The following DNAH5 variants were observed in gnomAD, a reference collection of about 807,000 sequenced individuals.
DNAH5 encodes the protein dynein axonemal heavy chain 5.
In DNAH5, 372 loss-of-function variants were observed where a neutral mutation model predicts 518.2. That is an observed-to-expected ratio of 0.72 (90% CI 0.66 to 0.78). The LOEUF (loss-of-function observed/expected upper bound fraction) is 0.78. Among genes scored for constraint, DNAH5 ranks in the 30% least tolerant of loss-of-function variants. The probability of loss-of-function intolerance (pLI) is 0.00; values close to 1 mark genes in which losing one functional copy is unlikely to be tolerated. For synonymous variants in DNAH5, 2,039 were observed against 2,025.9 expected (o/e 1.01, Z -0.17); for missense variants, 5,523 against 5,687.0 (o/e 0.97, Z 0.93).
chr5:13,695,967 C>T (rs1741319239), intron 78 of DNAH5, among the ~76,000 whole-genome samples: 2 of 152,106 alleles, frequency 1.3e-5, no homozygotes, highest in Non-Finnish European at 1.5e-5. Flanking sequence ...AACAGACTTC[C>T]AGGTTGACAA....
At chr5:13,862,769 A>C in intron 28 of DNAH5, 22 bp from the exon 29 acceptor site, 66 of 1,597,220 alleles carry the variant, frequency 4.1e-5, no homozygotes, top group Non-Finnish European at 5.1e-5. Flanking sequence ...GCAAGCTCTC[A>C]TGTTATTGCA....
At chr5:13,946,138 G>C (rs193154807), upstream of DNAH5, among the ~76,000 whole-genome samples, 35 of 152,164 alleles carry the variant, frequency 2.3e-4, no homozygotes, top group African/African-American at 6.7e-4. Flanking sequence ...TCATTACATC[G>C]CCGATTATCT....
intron 1 of DNAH5, among the ~76,000 whole-genome samples, chr5:13,972,662 T>C (rs928123326): frequency 2.6e-5 from 4 of 152,200 alleles, no homozygotes; most frequent in African/African-American, 4.8e-5. Context: ...CCTCTCACAC[T>C]TTGGGCACTC....
intron 12 of DNAH5, among the ~76,000 whole-genome samples, chr5:13,906,562 A>G (rs1775327532): frequency 6.6e-6 from 1 of 152,260 alleles, no homozygotes; most frequent in Non-Finnish European, 1.5e-5. Flanking sequence ...TGGAACATCT[A>G]CAAATCTTAA....
chr5:13,701,429 C>T lies in DNAH5; in HGVS notation c.13346G>A (p.Trp4449Ter), dbSNP rs1561073938. The T allele has an allele frequency of 6.2e-7, 1 of 1,609,632 alleles. No homozygotes were observed. The change falls in exon 77 of 79, where the codon TGG becomes TAG. Residue 4449 changes from tryptophan to a stop codon, truncating the protein, a stop_gained. Transcript: ENST00000265104. LOFTEE classifies it high-confidence loss of function. Reference protein sequence around the residue: ...RIPAWWKKASWISSTLGFWFT... With the variant: ...RIPAWWKKAS ...CCAGAAACCCAGTGTACTAGAAATCCAAGAAGCCTGCAATGAAGACATTAA... is the reference window on the plus strand; with the variant it reads ...CCAGAAACCCAGTGTACTAGAAATCTAAGAAGCCTGCAATGAAGACATTAA...
At chr5:13,836,408 T>A (rs561918711) in intron 35 of DNAH5, among the ~76,000 whole-genome samples, 1 of 152,028 alleles carries the variant, frequency 6.6e-6, no homozygotes, top group South Asian at 2.1e-4. Context: ...TGTTTAAAGG[T>A]CAGAAACATG....
chr5:13,933,988 G>C (rs1398902340), intron 1 of DNAH5, among the ~76,000 whole-genome samples: 1 of 151,990 alleles, frequency 6.6e-6, no homozygotes, highest in Non-Finnish European at 1.5e-5. Flanking sequence ...CAGTGTGACT[G>C]TGCCACTAAC....
intron 65 of DNAH5, among the ~76,000 whole-genome samples, chr5:13,741,659 T>G (rs1056256161): frequency 1.3e-5 from 2 of 152,198 alleles, no homozygotes; most frequent in African/African-American, 4.8e-5. Flanking sequence ...CAAACAATTT[T>G]TATTGCCATA....
chr5:13,693,136 G>A (rs1740925630), intron 78 of DNAH5, among the ~76,000 whole-genome samples: 1 of 152,058 alleles, frequency 6.6e-6, no homozygotes, highest in South Asian at 2.1e-4. Context: ...GAGGACAAGA[G>A]TGTGTCTACA....
chr5:13,965,126 G>A (rs1215265152), intron 1 of DNAH5, among the ~76,000 whole-genome samples: 2 of 152,070 alleles, frequency 1.3e-5, no homozygotes, highest in African/African-American at 2.4e-5. Context: ...GCACCCTAGA[G>A]GGTCAACATG....
chr5:13,945,518 G>A (rs1779839366), upstream of DNAH5, among the ~76,000 whole-genome samples: 1 of 152,216 alleles, frequency 6.6e-6, no homozygotes, highest in Admixed American at 6.5e-5. Flanking sequence ...GCCTCCATAT[G>A]TCAGGTTAAC....
intron 51 of DNAH5, among the ~76,000 whole-genome samples, chr5:13,786,865 A>T (rs1366962949): frequency 6.6e-6 from 1 of 152,228 alleles, no homozygotes; most frequent in East Asian, 1.9e-4. Context: ...AAAATGAATA[A>T]GCATATTCGA....
chr5:13,846,509 G>A (rs562670781), intron 31 of DNAH5, among the ~76,000 whole-genome samples: 8 of 152,264 alleles, frequency 5.3e-5, no homozygotes, highest in East Asian at 3.9e-4. Flanking sequence ...TTCACGATTC[G>A]TCAACTGCTG....
intron 63 of DNAH5, 33 bp downstream of exon 63, chr5:13,753,200 C>T: frequency 6.5e-7 from 1 of 1,527,204 alleles, no homozygotes; most frequent in Non-Finnish European, 9.0e-7. Flanking sequence ...TAAAACTTAA[C>T]CGGTAGCATA....
intron 1 of DNAH5, among the ~76,000 whole-genome samples, chr5:13,935,633 G>A (rs1183365208): frequency 1.3e-5 from 2 of 152,112 alleles, no homozygotes; most frequent in Non-Finnish European, 2.9e-5. Context: ...GGTATCCTGG[G>A]AATACTGAAA....
chr5:13,933,645 C>G (rs1778631526), intron 1 of DNAH5, among the ~76,000 whole-genome samples: 1 of 151,970 alleles, frequency 6.6e-6, no homozygotes, highest in Non-Finnish European at 1.5e-5. Context: ...CAAAAATTAG[C>G]CAGGCATGGT....
At chr5:13,773,936 T>C (rs2126798821) in intron 55 of DNAH5, among the ~76,000 whole-genome samples, 1 of 150,996 alleles carries the variant, frequency 6.6e-6, no homozygotes, top group South Asian at 2.1e-4. Context: ...AAAAAGAGCA[T>C]ATTCAAGGAT....
chr5:13,751,132 G>A lies in DNAH5; in HGVS notation c.11157C>T (p.Thr3719=), dbSNP rs1276440400. ...GTAACTGATCTTCTAGACCTTTCAT[G>A]GTGACAGTGAAGTCAATGATGGAGG... ...ARTSIIDFTV[T]MKGLEDQLLG... is the part of the protein sequence containing the mutation. Residue 3719 remains threonine, a synonymous_variant, in exon 65 of 79, where the codon ACC becomes ACT. Coordinates refer to ENST00000265104, the MANE Select transcript of DNAH5 (RefSeq NM_001369.3). 5.0e-6 allele frequency: 8 copies of A among 1,613,860 alleles called. No homozygotes were observed. The highest frequency in any genetic ancestry group is 1.7e-5 in the Admixed American group (1 of 59,974).
intron 68 of DNAH5, among the ~76,000 whole-genome samples, chr5:13,730,555 C>T (rs1254126909): frequency 6.6e-6 from 1 of 152,128 alleles, no homozygotes; most frequent in African/African-American, 2.4e-5. Context: ...CTGCCTCAGC[C>T]TCCTGAGTAG....
Sources: gnomAD v4.1 joint callset for allele counts (sites outside exome capture counted in the v4.1 genomes callset) on GRCh38, gnomAD v4.1.1 for gene constraint, MANE v1.5 for transcripts, NCBI Gene and HGNC (gene_info 2026-07-23, HGNC 2026-07-21) for gene names.